Variants in HEPHL1 observed in about 807,000 individuals in gnomAD.
The protein encoded by HEPHL1 is ferroxidase HEPHL1.
Under a neutral mutation model 122.0 loss-of-function variants are expected in HEPHL1, and 123 were observed. The observed-to-expected ratio is 1.01, with a 90% CI of 0.87 to 1.17. HEPHL1 has a LOEUF of 1.17. Among genes scored for constraint, HEPHL1 ranks in the 50% most tolerant of loss-of-function variants. HEPHL1 has a pLI of 0.00. For missense variants in HEPHL1, 1,452 were observed against 1,430.5 expected, an observed-to-expected ratio of 1.01 and a Z score of -0.24; for synonymous variants, 527 against 508.9, an observed-to-expected ratio of 1.04 and a Z score of -0.48.
chr11:94,063,005 G>T (rs1457477403), intron 2 of HEPHL1, among the ~76,000 whole-genome samples: 2 of 152,096 alleles, frequency 1.3e-5, no homozygotes, highest in Non-Finnish European at 2.9e-5. Context: ...ACGTATTCTA[G>T]TCTGCCCAAC....
At chr11:94,043,265 C>G (rs1235274339) in intron 1 of HEPHL1, among the ~76,000 whole-genome samples, 1 of 152,114 alleles carries the variant, frequency 6.6e-6, no homozygotes, top group Non-Finnish European at 1.5e-5. Flanking sequence ...GAGGAACAAA[C>G]AACTCTCAGA....
intron 1 of HEPHL1, among the ~76,000 whole-genome samples, chr11:94,024,587 C>A (rs1351465587): frequency 6.6e-6 from 1 of 151,910 alleles, no homozygotes; most frequent in Non-Finnish European, 1.5e-5. Flanking sequence ...CCATTTTTTC[C>A]CCTGTCCTTT....
chr11:94,033,417 C>T (rs955856588), intron 1 of HEPHL1, among the ~76,000 whole-genome samples: 1 of 152,032 alleles, frequency 6.6e-6, no homozygotes, highest in Non-Finnish European at 1.5e-5. Flanking sequence ...AGAGAGGACC[C>T]GAAGACTCTG....
At chr11:94,060,272 C>T (rs988269301) in intron 2 of HEPHL1, among the ~76,000 whole-genome samples, 1 of 150,936 alleles carries the variant, frequency 6.6e-6, no homozygotes, top group Non-Finnish European at 1.5e-5. Flanking sequence ...TACATACACA[C>T]ATATGCACAC....
chr11:94,030,587 G>A (rs1185305177), intron 1 of HEPHL1, among the ~76,000 whole-genome samples: 1 of 152,098 alleles, frequency 6.6e-6, no homozygotes, highest in Non-Finnish European at 1.5e-5. Context: ...AAGAGAAGAG[G>A]AGAAAAATGG....
At chr11:94,094,002 A>T (rs1450290033) in intron 13 of HEPHL1, among the ~76,000 whole-genome samples, 5 of 103,458 alleles carry the variant, frequency 4.8e-5, no homozygotes, top group African/African-American at 2.4e-4. Context: ...ATATATATAT[A>T]TATATATATA....
At position 94,045,981 on chromosome 11, in the gene HEPHL1, G is replaced by C. The variant is rs188105221; in HGVS notation, c.415+64G>C. 8.7e-4 allele frequency: 1,234 copies of C among 1,415,678 alleles called. 3 individuals carry two copies. Among genetic ancestry groups the C allele is most frequent in the Non-Finnish European group, 1.1e-3 (1,145 of 1,049,276 alleles). 87.7% of individuals were successfully genotyped at this position (1,415,678 alleles called of 1,614,324 possible). A position where few individuals can be genotyped will look rare whatever the true frequency, so the allele number is the denominator to read the frequency against. ...TTTCATAAGTAAGGTAACTGTCAGA[G>C]TTAAAGAGATTTTAGGAGCACATTG... On this transcript the variant is annotated intron_variant, in intron 2 of 19. Coordinates refer to ENST00000315765, the MANE Select transcript of HEPHL1 (RefSeq NM_001098672.2).
intron 17 of HEPHL1, among the ~76,000 whole-genome samples, chr11:94,110,062 C>G (rs563567047): frequency 4.6e-5 from 7 of 152,112 alleles, no homozygotes; most frequent in Non-Finnish European, 1.0e-4. Flanking sequence ...GAGTTTGTGT[C>G]TTTTAAGGGA....
intron 8 of HEPHL1, among the ~76,000 whole-genome samples, chr11:94,074,618 G>A (rs1946104980): frequency 6.6e-6 from 1 of 152,110 alleles, no homozygotes. Flanking sequence ...TGGCAGTACG[G>A]TGTAAGGGTT....
chr11:94,093,971 GATATATATATATATAT>G (rs201036709), intron 13 of HEPHL1, among the ~76,000 whole-genome samples: 1,088 of 72,784 alleles, frequency 0.015, 70 homozygotes, highest in Non-Finnish European at 0.022. Flanking sequence ...TCCTCCAGCA[GATATATATATATATAT>G]ATATATATAT....
intron 6 of HEPHL1, 80 bp from the exon 7 acceptor site, chr11:94,072,945 G>T: frequency 7.5e-7 from 1 of 1,333,074 alleles, no homozygotes; most frequent in Non-Finnish European, 1.1e-6. Flanking sequence ...GACTAAAAGT[G>T]ATAGAATGAA....
chr11:94,090,426 A>C (rs1315473687), intron 12 of HEPHL1, among the ~76,000 whole-genome samples: 1 of 152,210 alleles, frequency 6.6e-6, no homozygotes, highest in African/African-American at 2.4e-5. Flanking sequence ...TCCTACTTTA[A>C]GTCTCCATCC....
chr11:94,077,350 T>C (rs1946134479), intron 9 of HEPHL1, among the ~76,000 whole-genome samples: 1 of 152,200 alleles, frequency 6.6e-6, no homozygotes, highest in African/African-American at 2.4e-5. Flanking sequence ...AGCTGTCTCC[T>C]CTTTCCCCCA....
At chr11:94,103,053 A>G (rs1946381078) in intron 15 of HEPHL1, 33 bp downstream of exon 15, 7 of 1,238,478 alleles carry the variant, frequency 5.7e-6, no homozygotes, top group Non-Finnish European at 8.3e-6. Flanking sequence ...AAGGCTTAAA[A>G]TAATTTGGAT....
At chr11:94,083,007 T>A (rs1235677547) in intron 10 of HEPHL1, among the ~76,000 whole-genome samples, 1 of 151,790 alleles carries the variant, frequency 6.6e-6, no homozygotes, top group Non-Finnish European at 1.5e-5. Context: ...GAGAATTGCT[T>A]GAACCCGGAG....
intron 11 of HEPHL1, among the ~76,000 whole-genome samples, chr11:94,088,270 T>C (rs769590241): frequency 1.3e-5 from 2 of 152,262 alleles, no homozygotes; most frequent in Non-Finnish European, 2.9e-5. Flanking sequence ...TACATTTGGC[T>C]TTAATAATAA....
intron 2 of HEPHL1, among the ~76,000 whole-genome samples, chr11:94,051,207 A>G (rs576567840): frequency 6.6e-6 from 1 of 152,236 alleles, no homozygotes; most frequent in African/African-American, 2.4e-5. Flanking sequence ...CTCTGTTTTT[A>G]GTTTTCTGTG....
At chr11:94,056,865 C>T (rs1317829772) in intron 2 of HEPHL1, among the ~76,000 whole-genome samples, 1 of 152,042 alleles carries the variant, frequency 6.6e-6, no homozygotes, top group East Asian at 1.9e-4. Flanking sequence ...TTCATTTCTT[C>T]CTGTGAATTC....
chr11:94,044,934 A>T (rs1393757418), intron 1 of HEPHL1, among the ~76,000 whole-genome samples: 5 of 151,264 alleles, frequency 3.3e-5, no homozygotes, highest in Admixed American at 3.3e-4. Flanking sequence ...TATTTTTTTT[A>T]AGACGGAATC....
Sources: allele counts gnomAD v4.1 joint callset (sites outside exome capture counted in the v4.1 genomes callset), GRCh38; gene constraint gnomAD v4.1.1; transcripts MANE v1.5; gene names NCBI Gene and HGNC (gene_info 2026-07-23, HGNC 2026-07-21).